The following SRGAP1 variants were observed in gnomAD, a reference collection of about 807,000 sequenced individuals.
SRGAP1 encodes SLIT-ROBO Rho GTPase activating protein 1.
SRGAP1 carries 43 observed loss-of-function variants against 121.9 expected under a neutral mutation model. That is an observed-to-expected ratio of 0.35 (90% CI 0.28 to 0.46). SRGAP1 has a LOEUF of 0.46. SRGAP1 is among the 20% of genes least tolerant of loss of function. SRGAP1 has a pLI of 1.00. For missense variants in SRGAP1, 1,102 were observed against 1,350.9 expected (o/e 0.82, Z 2.89); for synonymous variants, 447 against 485.4 (o/e 0.92, Z 1.04).
chr12:63,899,756 T>C (rs538251988), intron 1 of SRGAP1, among the ~76,000 whole-genome samples: 6 of 152,334 alleles, frequency 3.9e-5, no homozygotes, highest in African/African-American at 1.4e-4. Flanking sequence ...ACTTAAAATA[T>C]GTAAGGAGGC....
chr12:64,142,546 C>T lies in SRGAP1; in HGVS notation c.3132C>T (p.Pro1044=), dbSNP rs907453576. Residue 1044 remains proline (P), a synonymous_variant, in exon 22 of 22, where the codon CCC becomes CCT. Transcript: ENST00000355086. ...TMSTFKPMVA[P]RMGVQLKPPA... ...GTACTTTCAAGCCTATGGTGGCACCCAGAATGGGCGTGCAGCTGAAGCCTC... is the reference window on the plus strand; with the variant it reads ...GTACTTTCAAGCCTATGGTGGCACCTAGAATGGGCGTGCAGCTGAAGCCTC... The T allele has an allele frequency of 6.2e-7, 1 of 1,614,056 alleles. No homozygotes were observed. Among genetic ancestry groups the T allele is most frequent in the Admixed American group, 1.7e-5 (1 of 60,002 alleles).
intron 1 of SRGAP1, among the ~76,000 whole-genome samples, chr12:63,960,077 A>G (rs1056746286): frequency 6.6e-6 from 1 of 152,180 alleles, no homozygotes; most frequent in Non-Finnish European, 1.5e-5. Flanking sequence ...GAAAGTTCTA[A>G]TTAGTGCCTA....
At chr12:64,105,289 T>A (rs2036326302) in intron 15 of SRGAP1, among the ~76,000 whole-genome samples, 1 of 152,238 alleles carries the variant, frequency 6.6e-6, no homozygotes, top group Admixed American at 6.5e-5. Context: ...GCATACCACA[T>A]TTTGTTTATC....
At chr12:64,085,466 G>C (rs2035920222) in intron 10 of SRGAP1, among the ~76,000 whole-genome samples, 1 of 152,052 alleles carries the variant, frequency 6.6e-6, no homozygotes, top group Admixed American at 6.6e-5. Flanking sequence ...CCTCACACTG[G>C]GTGATCTTAC....
intron 2 of SRGAP1, among the ~76,000 whole-genome samples, chr12:63,985,907 T>C: frequency 6.6e-6 from 1 of 152,210 alleles, no homozygotes; most frequent in East Asian, 1.9e-4. Flanking sequence ...AGCATGCCTT[T>C]CTGTCACCAT....
intron 1 of SRGAP1, among the ~76,000 whole-genome samples, chr12:63,919,571 T>C (rs2030958843): frequency 1.3e-5 from 2 of 150,960 alleles, no homozygotes; most frequent in African/African-American, 2.5e-5. Context: ...AGGATAACAG[T>C]GTCATATGTA....
chr12:64,095,950 A>G (rs922449241), intron 14 of SRGAP1, among the ~76,000 whole-genome samples: 8 of 152,282 alleles, frequency 5.3e-5, no homozygotes, highest in African/African-American at 1.9e-4. Context: ...ACCTAGAATC[A>G]TATCAGACTC....
At chr12:64,124,206 A>G (rs1272208560) in intron 18 of SRGAP1, among the ~76,000 whole-genome samples, 4 of 152,204 alleles carry the variant, frequency 2.6e-5, no homozygotes, top group Non-Finnish European at 4.4e-5. Flanking sequence ...TTCGCCTTCT[A>G]TGTCCCAGAG....
rs1206649272 is a variant in SRGAP1, at chr12:64,145,871, G to T, written c.*3199G>T. 1 of 152,196 alleles carries T rather than the reference G, an allele frequency of 6.6e-6. No individual in the cohort carries two copies. The highest frequency in any genetic ancestry group is 1.5e-5 in the Non-Finnish European group (1 of 68,046). 9.4% of individuals were successfully genotyped at this position (152,196 alleles called of 1,614,324 possible). A position where few individuals can be genotyped will look rare whatever the true frequency, so the allele number is the denominator to read the frequency against. The stretch of plus-strand genomic sequence containing the variant: ...GCCCCCAATTTCAAGGAGCTTATCA[G>T]GCTTCATGTGCAATTTGGGGAGGGG... On this transcript the variant is annotated 3_prime_UTR_variant, in exon 22 of 22. Transcript: ENST00000355086.
At chr12:63,948,923 TATTC>T (rs2136360138) in intron 1 of SRGAP1, among the ~76,000 whole-genome samples, 1 of 87,816 alleles carries the variant, frequency 1.1e-5, no homozygotes, top group African/African-American at 3.7e-5. Context: ...CATATATATA[TATTC>T]CATATATATA....
chr12:63,908,728 G>A (rs1018934587), intron 1 of SRGAP1, among the ~76,000 whole-genome samples: 6 of 151,966 alleles, frequency 3.9e-5, no homozygotes, highest in Non-Finnish European at 8.8e-5. Context: ...TAGTTACTTC[G>A]TTCTTTTTGC....
Position 63,912,974 on chromosome 12 carries a change from T to C in SRGAP1, c.67+68091T>C, listed in dbSNP as rs536103211. On this transcript the variant is annotated intron_variant, in intron 1 of 21. Coordinates refer to ENST00000355086, the MANE Select transcript of SRGAP1 (RefSeq NM_020762.4). The stretch of plus-strand genomic sequence containing the variant: ...AATACCCAGTAGAGGAGTCAAGTGC[T>C]TTCCTTAGTCCTCATTTTGAAATTT... Among the ~76,000 whole-genome samples the C allele has an allele frequency of 2.7e-4, 41 of 152,226 alleles. 1 individual carries two copies. The highest frequency in any genetic ancestry group is 9.2e-4 in the Admixed American group (14 of 15,290).
chr12:63,945,180 C>G (rs1158014664), intron 1 of SRGAP1, among the ~76,000 whole-genome samples: 1 of 152,024 alleles, frequency 6.6e-6, no homozygotes, highest in Non-Finnish European at 1.5e-5. Flanking sequence ...TTACTTTTAA[C>G]TCTTTCTTGC....
rs1565702396 is a variant in SRGAP1 at position 64,146,433 on chromosome 12, T to C, written c.*3761T>C. The C allele has an allele frequency of 6.6e-6, 1 of 152,168 alleles. No individual in the cohort carries two copies. The highest frequency in any genetic ancestry group is 1.5e-5 in the Non-Finnish European group (1 of 68,028). 9.4% of individuals were successfully genotyped at this position (152,168 alleles called of 1,614,324 possible). ...GAAAAGGAAAAGAGGCGTGGGTTGGTAGTTGTGTCCTTAACATTTAGGAAT... is the reference window on the plus strand; with the variant it reads ...GAAAAGGAAAAGAGGCGTGGGTTGGCAGTTGTGTCCTTAACATTTAGGAAT... On this transcript the variant is annotated 3_prime_UTR_variant, in exon 22 of 22. Coordinates refer to ENST00000355086, the MANE Select transcript of SRGAP1 (RefSeq NM_020762.4).
At chr12:64,008,835 G>T (rs573327725) in intron 3 of SRGAP1, among the ~76,000 whole-genome samples, 2 of 152,246 alleles carry the variant, frequency 1.3e-5, no homozygotes, top group South Asian at 4.1e-4. Context: ...CCTGCTTGTT[G>T]ATTTGCTTAG....
In SRGAP1 at chr12:64,111,777, C is replaced by T. The variant is rs530343205; in HGVS notation, c.1935C>T (p.Ser645=). ...FAFLNHLSQY[S]DENMMDPYNL... ...CCTTTTGTAGTCTATCACAGTACAG[C>T]GATGAGAATATGATGGACCCTTATA... Residue 645 remains serine (S), a synonymous_variant, in exon 17 of 22, where the codon AGC becomes AGT. Coordinates refer to ENST00000355086, the MANE Select transcript of SRGAP1 (RefSeq NM_020762.4). 13 of 1,611,926 alleles carry T rather than the reference C, an allele frequency of 8.1e-6. No homozygotes were observed. In the Admixed American group the frequency reaches 1.0e-4, roughly 12 times the overall value.
intron 6 of SRGAP1, among the ~76,000 whole-genome samples, chr12:64,057,599 G>C (rs1456042): frequency 0.42 from 63,628 of 151,964 alleles, 15,081 homozygotes; most frequent in Non-Finnish European, 0.55. Flanking sequence ...TTGCAAGAAG[G>C]CTCAAAATAA....
chr12:64,038,719 G>A (rs746029624), intron 4 of SRGAP1: 12 of 152,162 alleles, frequency 7.9e-5, no homozygotes, highest in South Asian at 4.1e-4. Flanking sequence ...GACGTGGGTC[G>A]TTTTCTACTT....
chr12:64,047,554 T>A (rs1355521914), intron 6 of SRGAP1, among the ~76,000 whole-genome samples: 1 of 152,180 alleles, frequency 6.6e-6, no homozygotes, highest in Non-Finnish European at 1.5e-5. Context: ...TGAAATGACA[T>A]GAAAGGCAGT....
Sources: gnomAD v4.1 joint callset for allele counts (sites outside exome capture counted in the v4.1 genomes callset) on GRCh38, gnomAD v4.1.1 for gene constraint, MANE v1.5 for transcripts, NCBI Gene and HGNC (gene_info 2026-07-23, HGNC 2026-07-21) for gene names.